Variants in WDR7 observed in about 807,000 individuals in gnomAD.
WDR7 encodes the protein WD repeat-containing protein 7.
A neutral mutation model predicts 169.4 loss-of-function variants in WDR7; 46 were observed. The ratio of observed to expected loss-of-function variants is 0.27; its 90% CI spans 0.21 to 0.35. The LOEUF (loss-of-function observed/expected upper bound fraction) is 0.35. WDR7 is among the 10% of genes least tolerant of loss of function. The pLI, the probability that WDR7 is intolerant of heterozygous loss-of-function variation, is 1.00. For missense variants in WDR7, 1,534 were observed against 1,859.3 expected, an observed-to-expected ratio of 0.83 and a Z score of 3.22; for synonymous variants, 612 against 666.8, an observed-to-expected ratio of 0.92 and a Z score of 1.27.
At chr18:56,974,601 C>T (rs768898918) in intron 26 of WDR7, among the ~76,000 whole-genome samples, 59 of 152,112 alleles carry the variant, frequency 3.9e-4, no homozygotes, top group Non-Finnish European at 7.5e-4. Flanking sequence ...AGTAGCCTCC[C>T]GACCACGGGC....
chr18:56,837,902 C>T (rs1196645425), intron 20 of WDR7, among the ~76,000 whole-genome samples: 1 of 152,138 alleles, frequency 6.6e-6, no homozygotes, highest in Non-Finnish European at 1.5e-5. Context: ...TCAGGTGAGC[C>T]ACCGTGCCCA....
chr18:56,730,582 C>T (rs1179904137), intron 13 of WDR7, among the ~76,000 whole-genome samples: 10 of 151,398 alleles, frequency 6.6e-5, no homozygotes, highest in African/African-American at 1.9e-4. Context: ...CTGGCTAACA[C>T]GGTGAAACCC....
intron 26 of WDR7, among the ~76,000 whole-genome samples, chr18:57,007,239 A>T (rs570658339): frequency 3.9e-5 from 6 of 152,296 alleles, no homozygotes; most frequent in Non-Finnish European, 8.8e-5. Context: ...TTGGCCTCCC[A>T]AAGTGCTGGG....
intron 1 of WDR7, among the ~76,000 whole-genome samples, chr18:56,666,823 T>G (rs1202894559): frequency 3.3e-5 from 5 of 151,674 alleles, no homozygotes; most frequent in Non-Finnish European, 5.9e-5. Context: ...GACCTAAATA[T>G]CCACCCAAAT....
At chr18:57,034,875 C>T in the WDR7 span, 2 of 152,126 alleles carry the variant, frequency 1.3e-5, no homozygotes. Flanking sequence ...TACAGCCAAA[C>T]ATGAGCAGGC....
chr18:57,032,799 T>TTTTA (rs1398950444), downstream of WDR7: 76 of 85,444 alleles, frequency 8.9e-4, no homozygotes, highest in African/African-American at 3.2e-3. Context: ...TGTATAATTA[T>TTTTA]TTTATATATA....
At chr18:56,837,608 T>C (rs1406646737) in intron 20 of WDR7, among the ~76,000 whole-genome samples, 1 of 152,220 alleles carries the variant, frequency 6.6e-6, no homozygotes, top group Non-Finnish European at 1.5e-5. Flanking sequence ...GATTTTGATT[T>C]ATTGAAATGA....
chr18:56,995,294 T>C (rs2047883010), intron 26 of WDR7, among the ~76,000 whole-genome samples: 2 of 152,224 alleles, frequency 1.3e-5, no homozygotes, highest in South Asian at 4.1e-4. Context: ...AAAATGCTTA[T>C]TCCCTGATAT....
Position 56,880,045 on chromosome 18 carries a change from G to A in WDR7, c.3406G>A (p.Glu1136Lys). 1 of 1,614,090 alleles carries A rather than the reference G, an allele frequency of 6.2e-7. No individual in the cohort carries two copies. The highest frequency in any genetic ancestry group is 8.5e-7 in the Non-Finnish European group (1 of 1,179,992). Residue 1136 changes from glutamate to lysine, a missense_variant, in exon 21 of 28, where the codon GAA (glutamate) becomes AAA (lysine). Coordinates refer to ENST00000254442, the MANE Select transcript of WDR7 (RefSeq NM_015285.3). Reference protein sequence around the residue: ...AIVLLGVIGAEFGAEIEPPKL... With the variant: ...AIVLLGVIGAKFGAEIEPPKL... ...TGTTTTACTTGGAGTAATAGGAGCT[G>A]AATTTGGTGCTGAAATTGAACCTCC...
rs766335575 is a variant in WDR7, at chr18:56,816,008, C to G, written c.3191-23C>G. 1.1e-5 allele frequency: 17 copies of G among 1,550,028 alleles called. No homozygotes were observed. In the African/African-American group the frequency reaches 2.4e-4, roughly 22 times the overall value. On this transcript the variant is annotated intron_variant, in intron 19 of 27. Coordinates refer to ENST00000254442, the MANE Select transcript of WDR7 (RefSeq NM_015285.3). ...TACTTTTCATTTTTTGAAGTGAAGC[C>G]TTGTGATTCATATTTGTTTTAGCTG...
intron 16 of WDR7, 144 bp from the exon 17 acceptor site, chr18:56,776,638 C>T (rs746661770): frequency 2.1e-5 from 14 of 675,586 alleles, no homozygotes; most frequent in Non-Finnish European, 3.7e-5. Context: ...AATGATCATG[C>T]CTTTCTGATG....
At chr18:56,769,086 T>TG (rs2044112637) in intron 16 of WDR7, among the ~76,000 whole-genome samples, 1 of 151,946 alleles carries the variant, frequency 6.6e-6, no homozygotes, top group Non-Finnish European at 1.5e-5. Context: ...ATACAGTTTA[T>TG]TTTTTTTGAC....
chr18:57,000,172 C>T (rs1481175933), intron 26 of WDR7, among the ~76,000 whole-genome samples: 2 of 152,050 alleles, frequency 1.3e-5, no homozygotes, highest in Non-Finnish European at 2.9e-5. Context: ...ATAATCCTTC[C>T]CTTTATGAAG....
At chr18:56,799,861 C>T (rs917750889) in intron 19 of WDR7, among the ~76,000 whole-genome samples, 1 of 152,144 alleles carries the variant, frequency 6.6e-6, no homozygotes, top group Non-Finnish European at 1.5e-5. Flanking sequence ...CTGGCATTCT[C>T]TGTAAGAGTA....
At chr18:56,746,401 A>G (rs1425194281) in intron 14 of WDR7, among the ~76,000 whole-genome samples, 4 of 152,216 alleles carry the variant, frequency 2.6e-5, no homozygotes, top group South Asian at 2.1e-4. Context: ...AAGGATGGGA[A>G]TGGTAAAAGG....
At chr18:56,665,662 A>G (rs1340686394) in intron 1 of WDR7, among the ~76,000 whole-genome samples, 1 of 152,192 alleles carries the variant, frequency 6.6e-6, no homozygotes, top group Non-Finnish European at 1.5e-5. Context: ...CTTTCCAGGT[A>G]CCCTTTAAAA....
At chr18:56,810,331 T>A (rs1411267165) in intron 19 of WDR7, among the ~76,000 whole-genome samples, 1 of 152,144 alleles carries the variant, frequency 6.6e-6, no homozygotes, top group Non-Finnish European at 1.5e-5. Flanking sequence ...CTCCTACCCC[T>A]TTACTGTCTT....
At chr18:56,761,403 G>T (rs1344856671) in intron 16 of WDR7, among the ~76,000 whole-genome samples, 1 of 152,114 alleles carries the variant, frequency 6.6e-6, no homozygotes, top group African/African-American at 2.4e-5. Context: ...CTGTTGCTCT[G>T]TAATGAGACT....
At chr18:57,005,092 C>T (rs1050884886) in intron 26 of WDR7, among the ~76,000 whole-genome samples, 4 of 152,116 alleles carry the variant, frequency 2.6e-5, no homozygotes, top group Admixed American at 1.3e-4. Context: ...TTTTATAATA[C>T]CGTGTCAGGC....
Sources: allele counts gnomAD v4.1 joint callset (sites outside exome capture counted in the v4.1 genomes callset), GRCh38; gene constraint gnomAD v4.1.1; transcripts MANE v1.5; gene names NCBI Gene and HGNC (gene_info 2026-07-23, HGNC 2026-07-21).